The following SND1 variants were observed in gnomAD, a reference collection of about 807,000 sequenced individuals.
SND1 encodes the protein staphylococcal nuclease and tudor domain containing 1.
In SND1, 38 loss-of-function variants were observed where a neutral mutation model predicts 121.7. The observed-to-expected ratio is 0.31, with a 90% CI of 0.24 to 0.41. The LOEUF is 0.41. Ranked by LOEUF, SND1 falls within the 10% of genes least tolerant of loss-of-function variation. The probability of loss-of-function intolerance (pLI) is 1.00; values close to 1 mark genes in which losing one functional copy is unlikely to be tolerated. For missense variants in SND1, 868 were observed against 1,184.6 expected (o/e 0.73, Z 3.92); for synonymous variants, 401 against 447.4 (o/e 0.90, Z 1.31).
chr7:127,942,217 G>GA (rs1355603723), intron 15 of SND1, among the ~76,000 whole-genome samples: 1 of 151,996 alleles, frequency 6.6e-6, no homozygotes, highest in Non-Finnish European at 1.5e-5. Context: ...ACTGCAAGGG[G>GA]AAAAAAGGAA....
intron 2 of SND1, among the ~76,000 whole-genome samples, chr7:127,694,364 G>T (rs531121117): frequency 6.6e-6 from 1 of 152,192 alleles, no homozygotes; most frequent in Non-Finnish European, 1.5e-5. Context: ...GCGGAGAAAT[G>T]GAGGTGGTAG....
At position 128,074,657 on chromosome 7, in the gene SND1, T is replaced by C; in HGVS notation, c.1935T>C (p.Ser645=). The part of the protein sequence containing the change: ...ERSSYYKSLL[S]AEEAAKQKKE... ...GCTCCTACTACAAGTCCCTGCTGTCTGCCGAGGAGGCCGCAAAGCAGAAGA... is the reference window on the plus strand; with the variant it reads ...GCTCCTACTACAAGTCCCTGCTGTCCGCCGAGGAGGCCGCAAAGCAGAAGA... Residue 645 remains serine (S), a synonymous_variant, in exon 17 of 24, where the codon TCT becomes TCC. Transcript: ENST00000354725. 1 of 1,613,548 alleles carries C rather than the reference T, an allele frequency of 6.2e-7. No homozygotes were observed. Among genetic ancestry groups the C allele is most frequent in the Non-Finnish European group, 8.5e-7 (1 of 1,179,808 alleles).
rs547552468 is a variant in SND1, at chr7:128,043,848, A to G, written c.1780-30654A>G. ...TCTTTATATATGTATATATGTGTGT[A>G]TATATATACACATATACACACACAC... On this transcript the variant is annotated intron_variant, in intron 16 of 23. Coordinates refer to ENST00000354725, the MANE Select transcript of SND1 (RefSeq NM_014390.4). 2.1e-3 allele frequency among the ~76,000 whole-genome samples: 172 copies of G among 81,480 alleles called. 1 individual carries two copies. Among genetic ancestry groups the G allele is most frequent in the African/African-American group, 8.2e-3 (126 of 15,402 alleles). The allele number at this position is 81,480 out of a possible 152,430, so 53.5% of individuals were successfully genotyped here. A position where few individuals can be genotyped will look rare whatever the true frequency, so the allele number is the denominator to read the frequency against.
In SND1 at chr7:127,967,660, A is replaced by G. The variant is rs1801885614; in HGVS notation, c.1670-23287A>G. Among the ~76,000 whole-genome samples the G allele has an allele frequency of 2.6e-5, 4 of 152,104 alleles. 1 individual carries two copies. Among genetic ancestry groups the G allele is most frequent in the South Asian group, 4.1e-4 (2 of 4,828 alleles). ...TCTTTAGAATCCAAAGTATTCTCTA[A>G]TTGTGTTGTATATATTTATCCATAT... On this transcript the variant is annotated intron_variant, in intron 15 of 23. Coordinates refer to ENST00000354725, the MANE Select transcript of SND1 (RefSeq NM_014390.4).
intron 16 of SND1, among the ~76,000 whole-genome samples, chr7:128,008,487 G>T (rs1437189301): frequency 6.6e-6 from 1 of 151,378 alleles, no homozygotes; most frequent in Non-Finnish European, 1.5e-5. Flanking sequence ...TTTGGAGGGG[G>T]GTTGCATTGT....
At chr7:127,844,022 G>A (rs1241492849) in intron 11 of SND1, among the ~76,000 whole-genome samples, 1 of 152,192 alleles carries the variant, frequency 6.6e-6, no homozygotes, top group South Asian at 2.1e-4. Context: ...TTTGCCACTT[G>A]TATGTATTCT....
chr7:128,082,841 T>C (rs1020072752), intron 18 of SND1, among the ~76,000 whole-genome samples: 1 of 152,156 alleles, frequency 6.6e-6, no homozygotes, highest in Non-Finnish European at 1.5e-5. Context: ...CTACTCAGCC[T>C]CTGGGTCCTG....
intron 2 of SND1, among the ~76,000 whole-genome samples, chr7:127,694,303 G>A (rs767567486): frequency 1.3e-5 from 2 of 152,208 alleles, no homozygotes; most frequent in South Asian, 2.1e-4. Context: ...GCTTTAACTG[G>A]TTTCAGGCTA....
chr7:127,761,481 C>T lies in SND1; in HGVS notation c.1152+40081C>T, dbSNP rs2116477196. ...CAACCAAGGGAAGAAAGCTATACAA[C>T]ACCAAAAAATGAATATGATGAGTAT... On this transcript the variant is annotated intron_variant, in intron 10 of 23. Transcript: ENST00000354725. 1.4e-5 allele frequency among the ~76,000 whole-genome samples: 2 copies of T among 143,180 alleles called. 1 individual carries two copies. Among genetic ancestry groups the T allele is most frequent in the South Asian group, 4.2e-4 (2 of 4,760 alleles). 93.9% of individuals were successfully genotyped at this position (143,180 alleles called of 152,430 possible).
At chr7:127,843,374 A>T (rs931740257) in intron 11 of SND1, among the ~76,000 whole-genome samples, 1 of 152,128 alleles carries the variant, frequency 6.6e-6, no homozygotes, top group African/African-American at 2.4e-5. Flanking sequence ...AAAATTCCCT[A>T]TTCTCTGCCT....
chr7:128,041,476 C>G (rs539813489), intron 16 of SND1, among the ~76,000 whole-genome samples: 2 of 152,248 alleles, frequency 1.3e-5, no homozygotes, highest in African/African-American at 4.8e-5. Context: ...TTAGATCTAT[C>G]AAGCCTCCAA....
chr7:127,719,780 G>A (rs907243289), intron 9 of SND1, among the ~76,000 whole-genome samples: 5 of 152,158 alleles, frequency 3.3e-5, no homozygotes, highest in African/African-American at 1.2e-4. Flanking sequence ...ATTGCTTACA[G>A]TGGTAAAACC....
intron 11 of SND1, 145 bp downstream of exon 11, chr7:127,807,718 C>T (rs2116576543): frequency 3.0e-6 from 2 of 667,732 alleles, no homozygotes; most frequent in East Asian, 2.7e-5. Flanking sequence ...TGAAGAGAGG[C>T]GTGTTTATGT....
chr7:128,090,743 T>C (rs575550340), intron 22 of SND1, among the ~76,000 whole-genome samples: 1 of 152,278 alleles, frequency 6.6e-6, no homozygotes, highest in South Asian at 2.1e-4. Flanking sequence ...TGTCGGTGGC[T>C]GTGCAGGCTG....
chr7:127,836,184 G>A (rs565543474), intron 11 of SND1, among the ~76,000 whole-genome samples: 7 of 152,106 alleles, frequency 4.6e-5, no homozygotes, highest in Non-Finnish European at 5.9e-5. Context: ...TGCCCATCCC[G>A]GGGACAGAGG....
chr7:127,727,071 C>T (rs1377355568), intron 10 of SND1, among the ~76,000 whole-genome samples: 1 of 152,200 alleles, frequency 6.6e-6, no homozygotes, highest in East Asian at 1.9e-4. Flanking sequence ...CTTTTAGTGT[C>T]CTCCCTGTGA....
intron 10 of SND1, among the ~76,000 whole-genome samples, chr7:127,763,980 A>G (rs1220450125): frequency 8.2e-5 from 12 of 146,576 alleles, no homozygotes; most frequent in African/African-American, 3.0e-4. Flanking sequence ...AGGTGGTTGC[A>G]GTGAGCTATG....
At chr7:128,035,615 C>T (rs749494214) in intron 16 of SND1, among the ~76,000 whole-genome samples, 3 of 152,202 alleles carry the variant, frequency 2.0e-5, no homozygotes, top group Non-Finnish European at 2.9e-5. Flanking sequence ...CTCTAAGTAA[C>T]AATGTATGGC....
intron 12 of SND1, among the ~76,000 whole-genome samples, chr7:127,873,880 AAAC>A (rs1320464976): frequency 5.3e-5 from 8 of 152,124 alleles, no homozygotes; most frequent in South Asian, 2.1e-4. Context: ...TGGTTGCAAG[AAAC>A]AACAACAACT....
Sources: gnomAD v4.1 joint callset for allele counts (sites outside exome capture counted in the v4.1 genomes callset) on GRCh38, gnomAD v4.1.1 for gene constraint, MANE v1.5 for transcripts, NCBI Gene and HGNC (gene_info 2026-07-23, HGNC 2026-07-21) for gene names.